PPP6R1: variants seen among roughly 807,000 people sequenced by gnomAD.
PPP6R1 encodes the protein serine/threonine-protein phosphatase 6 regulatory subunit 1.
Under a neutral mutation model 104.6 loss-of-function variants are expected in PPP6R1, and 39 were observed. The observed-to-expected ratio is 0.37, with a 90% CI of 0.29 to 0.49. The LOEUF (loss-of-function observed/expected upper bound fraction) is 0.49, where lower values mean the gene tolerates loss of function less well. Ranked by LOEUF, PPP6R1 falls within the 20% of genes least tolerant of loss-of-function variation. The pLI is 0.98. For synonymous variants in PPP6R1, 549 were observed against 479.0 expected (o/e 1.15, Z -1.91); for missense variants, 1,181 against 1,155.8 (o/e 1.02, Z -0.32).
rs1189482981 is a variant in PPP6R1, at chr19:55,229,863, G to C, written c.*665C>G. The C allele has an allele frequency of 2.0e-5, 3 of 153,792 alleles. No homozygotes were observed. The highest frequency in any genetic ancestry group is 6.5e-5 in the Admixed American group (1 of 15,292). The allele number at this position is 153,792 out of a possible 1,614,324, so 9.5% of individuals were successfully genotyped here. A position where few individuals can be genotyped will look rare whatever the true frequency, so the allele number is the denominator to read the frequency against. The stretch of plus-strand genomic sequence containing the variant: ...CACGCACACTCACACCAGCCTGGGA[G>C]GAGGGAGCTGGGGACAAGGTCACTT... On this transcript the variant is annotated 3_prime_UTR_variant, in exon 24 of 24. Transcript: ENST00000412770.
At chr19:55,230,575 G>T in intron 23 of PPP6R1, 38 bp downstream of exon 23, 2 of 1,613,392 alleles carry the variant, frequency 1.2e-6, no homozygotes. Context: ...AGCAGGCCCA[G>T]CCCCACCTAC....
chr19:55,229,007 C>G, downstream of PPP6R1: 1 of 456,002 alleles, frequency 2.2e-6, no homozygotes. Flanking sequence ...GTTAGGCCCA[C>G]AAATGCCTGT....
intron 5 of PPP6R1, among the ~76,000 whole-genome samples, chr19:55,244,564 C>T (rs963842127): frequency 3.9e-5 from 6 of 152,142 alleles, no homozygotes; most frequent in East Asian, 3.9e-4. Context: ...CTTGGACAGG[C>T]GATGAGGAGG....
At position 55,231,797 on chromosome 19, in the gene PPP6R1, C is replaced by T. The variant is rs201033540; in HGVS notation, c.2306+5G>A. 2 of 1,497,970 alleles carry T rather than the reference C, an allele frequency of 1.3e-6. No individual in the cohort carries two copies. The highest frequency in any genetic ancestry group is 2.8e-5 in the African/African-American group (2 of 71,548). The allele number at this position is 1,497,970 out of a possible 1,614,324, so 92.8% of individuals were successfully genotyped here. ...ACCATTTAGCCCGTTCCATCCGGTT[C>T]TCACCTGAGCTGCAGGGCGTCACGG... On this transcript the variant is annotated splice_donor_5th_base_variant and intron_variant, in intron 19 of 23. Coordinates refer to ENST00000412770, the MANE Select transcript of PPP6R1 (RefSeq NM_014931.4).
chr19:55,234,092 G>C (rs1223806213), intron 17 of PPP6R1, among the ~76,000 whole-genome samples: 2 of 152,152 alleles, frequency 1.3e-5, no homozygotes, highest in Admixed American at 6.5e-5. Context: ...TGGGATTACA[G>C]GCACCCACCA....
intron 1 of PPP6R1, among the ~76,000 whole-genome samples, chr19:55,249,361 C>T (rs1487534242): frequency 6.6e-6 from 1 of 152,164 alleles, no homozygotes; most frequent in African/African-American, 2.4e-5. Flanking sequence ...TCCGCCTCAA[C>T]CTCCCTAGTA....
Position 55,230,390 on chromosome 19 carries a change from C to G in PPP6R1, c.*138G>C. 7.4e-7 allele frequency: 1 copy of G among 1,343,646 alleles called. No homozygotes were observed. The highest frequency in any genetic ancestry group is 1.3e-5 in the South Asian group (1 of 75,504). 83.2% of individuals were successfully genotyped at this position (1,343,646 alleles called of 1,614,324 possible). The stretch of plus-strand genomic sequence containing the variant: ...GGGCCTGTCTCCCTGGCACCAGCCT[C>G]CTGGGGGTCCAGAGGAGAGAATGTG... On this transcript the variant is annotated 3_prime_UTR_variant, in exon 24 of 24. Transcript: ENST00000412770.
chr19:55,239,749 G>A (rs376812100), intron 13 of PPP6R1, 66 bp from the exon 14 acceptor site: 77 of 1,585,294 alleles, frequency 4.9e-5, no homozygotes, highest in Middle Eastern at 1.7e-4. Context: ...GGCAGCTATC[G>A]GTGGCGGTGG....
chr19:55,252,928 A>T (rs901212035), intron 1 of PPP6R1, among the ~76,000 whole-genome samples: 1 of 151,700 alleles, frequency 6.6e-6, no homozygotes, highest in African/African-American at 2.4e-5. Flanking sequence ...CGGCCATGGC[A>T]GGGACAGAGC....
intron 2 of PPP6R1, among the ~76,000 whole-genome samples, chr19:55,246,175 G>A (rs1236652219): frequency 6.6e-6 from 1 of 152,198 alleles, no homozygotes; most frequent in Non-Finnish European, 1.5e-5. Context: ...CAGGACTGTG[G>A]GGAGGTACCC....
At position 55,236,663 on chromosome 19, in the gene PPP6R1, C is replaced by T; in HGVS notation, c.1968G>A (p.Leu656=). The T allele has an allele frequency of 9.5e-6, 15 of 1,581,382 alleles. No homozygotes were observed. The highest frequency in any genetic ancestry group is 1.3e-5 in the Non-Finnish European group (15 of 1,166,136). ...CTCACCGGACACCAGGTGGCTGGCC[C>T]AGACGGGCCCCCCTGGCCAGCTGGC... ...QGSQLARGAR[L]GQPPGVRSGG... is the part of the protein sequence containing the mutation. The change falls in exon 17 of 24, where the codon CTG becomes CTA. Residue 656 remains leucine, a synonymous_variant. Transcript: ENST00000412770.
Position 55,230,360 on chromosome 19 carries a change from G to A in PPP6R1, c.*168C>T. 1 of 911,336 alleles carries A rather than the reference G, an allele frequency of 1.1e-6. No homozygotes were observed. Among genetic ancestry groups the A allele is most frequent in the South Asian group, 1.6e-5 (1 of 61,910 alleles). The allele number at this position is 911,336 out of a possible 1,614,324, so 56.5% of individuals were successfully genotyped here. On this transcript the variant is annotated 3_prime_UTR_variant, in exon 24 of 24. Transcript: ENST00000412770. ...TTCTCTTCTCAGTGCAAATGGGGGT[G>A]GGTTGGGCCTGTCTCCCTGGCACCA...
At chr19:55,238,525 C>T (rs867901010) in intron 15 of PPP6R1, among the ~76,000 whole-genome samples, 1 of 152,130 alleles carries the variant, frequency 6.6e-6, no homozygotes, top group African/African-American at 2.4e-5. Context: ...GACAGAGTCT[C>T]GCTCTGTTGC....
rs371756849 is a variant in PPP6R1, at chr19:55,234,606, T to A, written c.1988+2037A>T. Among the ~76,000 whole-genome samples the A allele has an allele frequency of 8.8e-4, 134 of 152,350 alleles. 5 individuals are homozygous for A. The South Asian group carries it at 0.026, about 30-fold the overall frequency. ...GATGCTGGATTTGGCAGTGACACAC[T>A]TGTGCACCAACAACACGTGCAAGGG... On this transcript the variant is annotated intron_variant, in intron 17 of 23. Coordinates refer to ENST00000412770, the MANE Select transcript of PPP6R1 (RefSeq NM_014931.4).
chr19:55,230,382 A>T lies in PPP6R1; in HGVS notation c.*146T>A. On this transcript the variant is annotated 3_prime_UTR_variant, in exon 24 of 24. Transcript: ENST00000412770. ...GGTGGGTTGGGCCTGTCTCCCTGGC[A>T]CCAGCCTCCTGGGGGTCCAGAGGAG... is the stretch of plus-strand genomic sequence containing the variant. The T allele has an allele frequency of 7.8e-7, 1 of 1,279,124 alleles. No homozygotes were observed. The highest frequency in any genetic ancestry group is 1.1e-6 in the Non-Finnish European group (1 of 921,958). The allele number at this position is 1,279,124 out of a possible 1,614,324, so 79.2% of individuals were successfully genotyped here.
chr19:55,230,504 G>C lies in PPP6R1; in HGVS notation c.*24C>G. On this transcript the variant is annotated 3_prime_UTR_variant, in exon 24 of 24. Transcript: ENST00000412770. ...AGATCCACGGGAGGACGGAAGATTT[G>C]GCCGCCGCTGCCGCACCAGGCAGCT... 2 of 1,612,014 alleles carry C rather than the reference G, an allele frequency of 1.2e-6. No individual in the cohort carries two copies. Among genetic ancestry groups the C allele is most frequent in the Non-Finnish European group, 1.7e-6 (2 of 1,179,110 alleles).
At position 55,230,780 on chromosome 19, in the gene PPP6R1, C is replaced by T; in HGVS notation, c.2564G>A (p.Ser855Asn). 7.3e-7 allele frequency: 1 copy of T among 1,368,986 alleles called. No homozygotes were observed. The allele number at this position is 1,368,986 out of a possible 1,614,324, so 84.8% of individuals were successfully genotyped here. Reference protein sequence around the residue: ...KSPEPLGLPQSQSAQALTPPP... With the variant: ...KSPEPLGLPQNQSAQALTPPP... Reference sequence around the variant, plus strand: ...CTGCTGCCCTGGTGCTCACCTCTGGCTTTGGGGAAGCCCCAAGGGCTCTGG... The same window carrying T: ...CTGCTGCCCTGGTGCTCACCTCTGGTTTTGGGGAAGCCCCAAGGGCTCTGG... The change falls in exon 22 of 24, where the codon AGC becomes AAC. Residue 855 changes from serine (S) to asparagine (N), a missense_variant. Ser to Asn is a conservative substitution (Grantham distance 46). Around this residue, in one of 2 missense-constraint regions of PPP6R1, gnomAD observed 1,042 missense variants for 955.6 expected, o/e 1.09. Transcript: ENST00000412770.
chr19:55,248,836 G>A (rs752419228), intron 1 of PPP6R1, among the ~76,000 whole-genome samples: 4 of 152,214 alleles, frequency 2.6e-5, no homozygotes, highest in Non-Finnish European at 4.4e-5. Flanking sequence ...CAGGCAGGTC[G>A]AACGCCTCTT....
At position 55,231,819 on chromosome 19, in the gene PPP6R1, A is replaced by G. The variant is rs1055635560; in HGVS notation, c.2289T>C (p.Arg763=). 3 of 1,502,376 alleles carry G rather than the reference A, an allele frequency of 2.0e-6. No homozygotes were observed. Among genetic ancestry groups the G allele is most frequent in the Non-Finnish European group, 2.7e-6 (3 of 1,126,840 alleles). 93.1% of individuals were successfully genotyped at this position (1,502,376 alleles called of 1,614,324 possible). A position where few individuals can be genotyped will look rare whatever the true frequency, so the allele number is the denominator to read the frequency against. ...GTTCTCACCTGAGCTGCAGGGCGTCACGGGCAGGAGGGCTGGCCAGGCTCT... is the reference window on the plus strand; with the variant it reads ...GTTCTCACCTGAGCTGCAGGGCGTCGCGGGCAGGAGGGCTGGCCAGGCTCT... ...PTQSLASPPA[R]DALQLRSQDP... is the part of the protein sequence containing the mutation. The change falls in exon 19 of 24, where the codon CGT becomes CGC. Residue 763 remains arginine (R), a synonymous_variant. Transcript: ENST00000412770.
Sources: gnomAD v4.1 joint callset for allele counts (sites outside exome capture counted in the v4.1 genomes callset) on GRCh38, gnomAD v4.1.1 for gene constraint, gnomAD v4.1.1 regional missense constraint, MANE v1.5 for transcripts, NCBI Gene and HGNC (gene_info 2026-07-23, HGNC 2026-07-21) for gene names.